RIPOR2: variants seen among roughly 807,000 people sequenced by gnomAD.
RIPOR2 encodes rho family-interacting cell polarization regulator 2.
A neutral mutation model predicts 114.5 loss-of-function variants in RIPOR2; 39 were observed. That is an observed-to-expected ratio of 0.34 (90% CI 0.26 to 0.44). RIPOR2 has a LOEUF of 0.44. RIPOR2 is among the 20% of genes least tolerant of loss of function. The pLI is 1.00. For missense variants in RIPOR2, 1,007 were observed against 1,255.1 expected, an observed-to-expected ratio of 0.80 and a Z score of 2.99; for synonymous variants, 445 against 484.4, an observed-to-expected ratio of 0.92 and a Z score of 1.07.
At chr6:24,857,530 CAGA>C (rs1422127200) in intron 8 of RIPOR2, among the ~76,000 whole-genome samples, 1 of 152,134 alleles carries the variant, frequency 6.6e-6, no homozygotes, top group Non-Finnish European at 1.5e-5. Flanking sequence ...ACCATTCTGC[CAGA>C]AGAACGCTCT....
chr6:24,917,808 C>G (rs910107190), intron 1 of RIPOR2, among the ~76,000 whole-genome samples: 1 of 152,166 alleles, frequency 6.6e-6, no homozygotes, highest in Non-Finnish European at 1.5e-5. Context: ...GGATTATAGG[C>G]GTGAGCCACC....
At chr6:24,952,997 C>G (rs897560919) in intron 1 of RIPOR2, among the ~76,000 whole-genome samples, 1 of 152,148 alleles carries the variant, frequency 6.6e-6, no homozygotes, top group African/African-American at 2.4e-5. Context: ...TATAGAAGTC[C>G]TAATCCCCAG....
chr6:24,977,917 T>A (rs139131879), intron 1 of RIPOR2, among the ~76,000 whole-genome samples: 45 of 152,216 alleles, frequency 3.0e-4, no homozygotes, highest in African/African-American at 1.0e-3. Flanking sequence ...TGAATGTCAG[T>A]CAAAACTCCA....
chr6:25,007,570 A>G (rs1195697110), intron 1 of RIPOR2, among the ~76,000 whole-genome samples: 1 of 152,176 alleles, frequency 6.6e-6, no homozygotes, highest in African/African-American at 2.4e-5. Context: ...GGCAATTATT[A>G]TCTTTATAAT....
At chr6:24,866,759 C>A (rs1764646206) in intron 6 of RIPOR2, among the ~76,000 whole-genome samples, 1 of 152,058 alleles carries the variant, frequency 6.6e-6, no homozygotes, top group South Asian at 2.1e-4. Flanking sequence ...GGATAACAAA[C>A]AACAATACCA....
At chr6:24,935,317 CAACA>C (rs869160222) in intron 1 of RIPOR2, among the ~76,000 whole-genome samples, 5,459 of 79,536 alleles carry the variant, frequency 0.069, 88 homozygotes, top group East Asian at 0.12. Context: ...CAAAAAACAA[CAACA>C]AAAAAAAAAA....
At chr6:25,015,372 C>T (rs1259510281) in intron 1 of RIPOR2, 1 of 152,214 alleles carries the variant, frequency 6.6e-6, no homozygotes, top group Non-Finnish European at 1.5e-5. Flanking sequence ...GAAATACACA[C>T]CATTTACACA....
intron 1 of RIPOR2, among the ~76,000 whole-genome samples, chr6:25,002,428 G>A (rs1217657853): frequency 6.6e-6 from 1 of 152,116 alleles, no homozygotes; most frequent in African/African-American, 2.4e-5. Flanking sequence ...TCATCTTTTT[G>A]TTGTTTAAAT....
chr6:24,975,162 T>A (rs1014233537), intron 1 of RIPOR2, among the ~76,000 whole-genome samples: 1 of 152,232 alleles, frequency 6.6e-6, no homozygotes, highest in Admixed American at 6.5e-5. Context: ...TAAATCTCAA[T>A]ACAGCTAAAA....
chr6:24,947,068 C>A (rs1253426962), intron 1 of RIPOR2, among the ~76,000 whole-genome samples: 1 of 148,860 alleles, frequency 6.7e-6, no homozygotes, highest in East Asian at 2.2e-4. Flanking sequence ...GAAGGAGGAG[C>A]AGAATATTCT....
In RIPOR2 at chr6:25,037,671, T is replaced by C. The variant is rs1439538280; in HGVS notation, c.76+4180A>G. Among the ~76,000 whole-genome samples the C allele has an allele frequency of 1.3e-5, 2 of 152,214 alleles. No homozygotes were observed. Among genetic ancestry groups the C allele is most frequent in the East Asian group, 3.8e-4 (2 of 5,204 alleles). The stretch of plus-strand genomic sequence containing the variant: ...TTATTATTTTTTTACTACACTGCTA[T>C]GGACTAGAAAAGAAAATAAATATTT... On this transcript the variant is annotated intron_variant, in intron 1 of 13. Coordinates refer to the RIPOR2 transcript ENST00000510784. This position sits in a 1 kb window ranked among gnomAD's most constrained non-coding sequence, Gnocchi z 4.5.
At chr6:24,910,125 C>T (rs75948607) in intron 1 of RIPOR2, among the ~76,000 whole-genome samples, 12 of 152,324 alleles carry the variant, frequency 7.9e-5, no homozygotes, top group African/African-American at 2.6e-4. Flanking sequence ...CCAGCCCCCT[C>T]CCATGCCACG....
chr6:25,031,074 C>G (rs562130818), intron 1 of RIPOR2: 1 of 152,242 alleles, frequency 6.6e-6, no homozygotes, highest in Non-Finnish European at 1.5e-5. Flanking sequence ...CTGACCAGTA[C>G]AGGAGTTTTT....
chr6:24,943,963 A>G (rs1285417365), intron 1 of RIPOR2, among the ~76,000 whole-genome samples: 2 of 152,194 alleles, frequency 1.3e-5, no homozygotes, highest in Non-Finnish European at 2.9e-5. Flanking sequence ...ATCACAGGCA[A>G]TTAGTCAATA....
intron 1 of RIPOR2, among the ~76,000 whole-genome samples, chr6:25,031,766 T>A (rs1776990499): frequency 7.8e-6 from 1 of 128,070 alleles, no homozygotes; most frequent in Non-Finnish European, 1.6e-5. Flanking sequence ...ATCCATAGAA[T>A]ATATATATAT....
At chr6:24,997,312 G>C (rs1581929269) in intron 1 of RIPOR2, among the ~76,000 whole-genome samples, 1 of 152,016 alleles carries the variant, frequency 6.6e-6, no homozygotes, top group East Asian at 1.9e-4. Context: ...TCACTATGTA[G>C]TAAACACTGC....
intron 7 of RIPOR2, among the ~76,000 whole-genome samples, chr6:24,861,565 A>G (rs1764074877): frequency 6.6e-6 from 1 of 152,256 alleles, no homozygotes; most frequent in East Asian, 1.9e-4. Flanking sequence ...TATGTAGGAA[A>G]TGTAGATATT....
intron 21 of RIPOR2, among the ~76,000 whole-genome samples, chr6:24,808,904 T>C (rs1562208340): frequency 1.3e-5 from 2 of 151,706 alleles, no homozygotes; most frequent in African/African-American, 2.4e-5. Flanking sequence ...GGACTACAGG[T>C]GCACCCCACC....
chr6:24,976,540 G>A (rs1227363022), intron 1 of RIPOR2: 11 of 1,593,386 alleles, frequency 6.9e-6, no homozygotes, highest in Non-Finnish European at 9.5e-6. Context: ...ATAAAGCTAT[G>A]TTAACAGATT....
Sources: allele counts gnomAD v4.1 joint callset (sites outside exome capture counted in the v4.1 genomes callset), GRCh38; gene constraint gnomAD v4.1.1; non-coding constraint Gnocchi (gnomAD v3.1); transcripts MANE v1.5; gene names NCBI Gene and HGNC (gene_info 2026-07-23, HGNC 2026-07-21).